The following PRMT8 variants were observed in gnomAD, a reference collection of about 807,000 sequenced individuals.
PRMT8 encodes protein arginine methyltransferase 8.
A neutral mutation model predicts 47.1 loss-of-function variants in PRMT8; 7 were observed. The observed-to-expected ratio is 0.15, with a 90% confidence interval of 0.08 to 0.28. PRMT8 has a LOEUF of 0.28. PRMT8 is among the 10% of genes least tolerant of loss of function. The pLI is 1.00. For missense variants in PRMT8, 237 were observed against 505.4 expected (o/e 0.47, Z 5.09); for synonymous variants, 188 against 186.5 (o/e 1.01, Z -0.07).
In PRMT8 at chr12:3,441,709, G is replaced by T. The variant is rs74057410; in HGVS notation, c.48+60267G>T. 4.9e-3 allele frequency among the ~76,000 whole-genome samples: 743 copies of T among 152,350 alleles called. 7 individuals carry two copies. Among genetic ancestry groups the T allele is most frequent in the African/African-American group, 0.017 (689 of 41,580 alleles). ...CGCAGCAGATGGTTCCATTAGGAGA[G>T]TTCAGAACTCCTGTGGATGTCGAAT... On this transcript the variant is annotated intron_variant, in intron 1 of 9. Coordinates refer to the PRMT8 transcript ENST00000452611.
chr12:3,467,239 CAAAAAAAAAA>C (rs10694948), intron 1 of PRMT8, among the ~76,000 whole-genome samples: 2 of 48,818 alleles, frequency 4.1e-5, no homozygotes, highest in Admixed American at 3.6e-4. Flanking sequence ...GACTCCATCT[CAAAAAAAAAA>C]AAAAAAAAAA....
intron 6 of PRMT8, among the ~76,000 whole-genome samples, chr12:3,573,054 C>T (rs1248160869): frequency 6.6e-6 from 1 of 152,102 alleles, no homozygotes; most frequent in Admixed American, 6.6e-5. Context: ...AAATTTCAGC[C>T]AGTATCTCTA....
At chr12:3,474,184 C>T (rs1865186607) in intron 1 of PRMT8, among the ~76,000 whole-genome samples, 1 of 152,224 alleles carries the variant, frequency 6.6e-6, no homozygotes, top group African/African-American at 2.4e-5. Context: ...GCATCCAAGT[C>T]CCTTCACATC....
At position 3,570,557 on chromosome 12, in the gene PRMT8, G is replaced by A. The variant is rs917602; in HGVS notation, c.712+993G>A. On this transcript the variant is annotated intron_variant, in intron 6 of 9. Coordinates refer to ENST00000382622, the MANE Select transcript of PRMT8 (RefSeq NM_019854.5). This position sits in a 1 kb window ranked among gnomAD's most constrained non-coding sequence, Gnocchi z 5.5. ...TACTGTGGAGGGGTTCACAGATTGA[G>A]TAGAAGAATAAATGCCTCCAAGAGG... Among the ~76,000 whole-genome samples the A allele has an allele frequency of 0.14, 21,060 of 152,216 alleles. 1,575 individuals carry two copies. The highest frequency in any genetic ancestry group is 0.26 in the East Asian group (1,351 of 5,162).
intron 4 of PRMT8, among the ~76,000 whole-genome samples, chr12:3,568,096 A>G (rs1346162888): frequency 6.6e-6 from 1 of 152,016 alleles, no homozygotes; most frequent in East Asian, 1.9e-4. Context: ...AAATTAACAC[A>G]TATCTGGTAT....
chr12:3,454,869 G>T (rs1258109683), intron 1 of PRMT8, among the ~76,000 whole-genome samples: 2 of 152,178 alleles, frequency 1.3e-5, no homozygotes, highest in Admixed American at 1.3e-4. Context: ...GAAATGTTAA[G>T]TCTTCCCTTT....
chr12:3,545,533 G>A (rs945417465), intron 2 of PRMT8, among the ~76,000 whole-genome samples: 6 of 152,188 alleles, frequency 3.9e-5, no homozygotes, highest in Non-Finnish European at 5.9e-5. Flanking sequence ...AGTGATGGCT[G>A]GGCTTCAGAA....
chr12:3,494,926 A>G (rs1865482674), intron 1 of PRMT8, among the ~76,000 whole-genome samples: 1 of 152,194 alleles, frequency 6.6e-6, no homozygotes, highest in South Asian at 2.1e-4. Flanking sequence ...GGCACATGGC[A>G]AACACGCAAT....
intron 1 of PRMT8, among the ~76,000 whole-genome samples, chr12:3,534,856 T>C (rs1485062859): frequency 6.6e-6 from 1 of 152,246 alleles, no homozygotes. Context: ...ATAAAACAGA[T>C]ACTGGTTGAC....
At chr12:3,466,377 G>A (rs1309198558) in intron 1 of PRMT8, among the ~76,000 whole-genome samples, 1 of 152,170 alleles carries the variant, frequency 6.6e-6, no homozygotes, top group Non-Finnish European at 1.5e-5. Flanking sequence ...ATGTGCTTTT[G>A]TTCAGAACCC....
intron 4 of PRMT8, among the ~76,000 whole-genome samples, chr12:3,561,418 A>G (rs1866634471): frequency 6.6e-6 from 1 of 152,230 alleles, no homozygotes; most frequent in Non-Finnish European, 1.5e-5. Context: ...GTTTTGAATC[A>G]ATCCAAACCA....
At chr12:3,480,347 C>T (rs1485901062) in intron 1 of PRMT8, among the ~76,000 whole-genome samples, 2 of 152,146 alleles carry the variant, frequency 1.3e-5, no homozygotes, top group Non-Finnish European at 2.9e-5. Context: ...TCCTTCTTCC[C>T]CCTTGCTTGT....
chr12:3,405,670 C>T (rs1864366127), intron 1 of PRMT8, among the ~76,000 whole-genome samples: 1 of 152,200 alleles, frequency 6.6e-6, no homozygotes, highest in African/African-American at 2.4e-5. Flanking sequence ...TCCAGTAGGG[C>T]AGTCATGAAG....
chr12:3,589,419 G>C (rs1343539494), intron 8 of PRMT8, among the ~76,000 whole-genome samples: 1 of 152,150 alleles, frequency 6.6e-6, no homozygotes, highest in East Asian at 1.9e-4. Context: ...AGTGGACACT[G>C]GACACGGGGC....
At chr12:3,403,801 C>T (rs944910086) in intron 1 of PRMT8, among the ~76,000 whole-genome samples, 3 of 134,520 alleles carry the variant, frequency 2.2e-5, no homozygotes, top group African/African-American at 5.6e-5. Context: ...CACTTGAATT[C>T]GGGAGGTGGA....
intron 1 of PRMT8, among the ~76,000 whole-genome samples, chr12:3,433,667 A>G (rs1370685513): frequency 1.3e-5 from 2 of 152,108 alleles, no homozygotes; most frequent in African/African-American, 2.4e-5. Flanking sequence ...GCTGGAGTGC[A>G]GTGGCGCGAT....
At chr12:3,435,038 G>A (rs554124972) in intron 1 of PRMT8, among the ~76,000 whole-genome samples, 3 of 148,556 alleles carry the variant, frequency 2.0e-5, no homozygotes, top group Non-Finnish European at 3.0e-5. Context: ...GCGCGATCTC[G>A]GCTCATTTCA....
In PRMT8 at chr12:3,540,653, G is replaced by A; in HGVS notation, c.123G>A (p.Lys41=). 1 of 1,000,786 alleles carries A rather than the reference G, an allele frequency of 1.0e-6. No individual in the cohort carries two copies. The highest frequency in any genetic ancestry group is 1.2e-5 in the South Asian group (1 of 80,414). The allele number at this position is 1,000,786 out of a possible 1,614,324, so 62.0% of individuals were successfully genotyped here. The change falls in exon 2 of 10, where the codon AAG becomes AAA. Residue 41 remains lysine (K), a synonymous_variant. Coordinates refer to ENST00000382622, the MANE Select transcript of PRMT8 (RefSeq NM_019854.5). The part of the protein sequence containing the change: ...SQPPQPVVPA[K]PVQCVHHVST... The stretch of plus-strand genomic sequence containing the variant: ...CCCCCCAGCCCGTCGTCCCTGCTAA[G>A]CCCGTGCAATGCGTCCATCATGTGT...
At chr12:3,432,227 G>A (rs1012603868) in intron 1 of PRMT8, among the ~76,000 whole-genome samples, 1 of 152,162 alleles carries the variant, frequency 6.6e-6, no homozygotes, top group Non-Finnish European at 1.5e-5. Context: ...CCCACAGCAG[G>A]CCTCACTGCA....
Sources: gnomAD v4.1 joint callset for allele counts (sites outside exome capture counted in the v4.1 genomes callset) on GRCh38, gnomAD v4.1.1 for gene constraint, Gnocchi (gnomAD v3.1) non-coding constraint, MANE v1.5 for transcripts, NCBI Gene and HGNC (gene_info 2026-07-23, HGNC 2026-07-21) for gene names.